The following ALDH1A1 variants were observed in gnomAD, a reference collection of about 807,000 sequenced individuals.
The protein encoded by ALDH1A1 is aldehyde dehydrogenase 1 family member A1.
A neutral mutation model predicts 62.1 loss-of-function variants in ALDH1A1; 19 were observed. That is an observed-to-expected ratio of 0.31 (90% CI 0.21 to 0.45). The LOEUF is 0.45. Among genes scored for constraint, ALDH1A1 ranks in the 20% least tolerant of loss-of-function variants. ALDH1A1 has a pLI of 1.00. For missense variants in ALDH1A1, 521 were observed against 607.1 expected (o/e 0.86, Z 1.49); for synonymous variants, 231 against 215.9 (o/e 1.07, Z -0.61).
intron 2 of ALDH1A1, among the ~76,000 whole-genome samples, chr9:72,936,110 G>A (rs1198089145): frequency 1.3e-5 from 2 of 152,158 alleles, no homozygotes; most frequent in East Asian, 3.9e-4. Flanking sequence ...TTTGAAGCTT[G>A]GGTAGATGTT....
chr9:72,925,440 G>A, intron 6 of ALDH1A1, 44 bp downstream of exon 6: 1 of 1,602,132 alleles, frequency 6.2e-7, no homozygotes, highest in African/African-American at 1.3e-5. Context: ...TTGTAATTTA[G>A]GATTCTTGAG....
chr9:72,941,598 C>T (rs1483326563), intron 1 of ALDH1A1, among the ~76,000 whole-genome samples: 1 of 152,082 alleles, frequency 6.6e-6, no homozygotes, highest in Non-Finnish European at 1.5e-5. Context: ...TCCAACAGCC[C>T]TCAAGCAATT....
At chr9:72,941,744 G>A (rs889576793) in intron 1 of ALDH1A1, among the ~76,000 whole-genome samples, 2 of 152,148 alleles carry the variant, frequency 1.3e-5, no homozygotes, top group African/African-American at 4.8e-5. Flanking sequence ...CTACAAAATG[G>A]GGAAGAGGAT....
At chr9:72,911,181 G>A (rs1339679166) in intron 10 of ALDH1A1, among the ~76,000 whole-genome samples, 3 of 151,896 alleles carry the variant, frequency 2.0e-5, no homozygotes, top group African/African-American at 2.4e-5. Flanking sequence ...ACACTTAACT[G>A]CAATATACAA....
chr9:72,904,432 C>T (rs1829849265), intron 12 of ALDH1A1, among the ~76,000 whole-genome samples: 1 of 152,094 alleles, frequency 6.6e-6, no homozygotes, highest in Non-Finnish European at 1.5e-5. Flanking sequence ...TCACTAGCCC[C>T]TCAACATACC....
intron 9 of ALDH1A1, among the ~76,000 whole-genome samples, chr9:72,916,005 G>T (rs4744674): frequency 1.3e-5 from 2 of 151,940 alleles, no homozygotes; most frequent in Non-Finnish European, 2.9e-5. Context: ...AGGATTTCTC[G>T]GCAGTTGTCC....
At chr9:72,944,537 G>A (rs1830453118) in intron 1 of ALDH1A1, among the ~76,000 whole-genome samples, 1 of 151,954 alleles carries the variant, frequency 6.6e-6, no homozygotes, top group Non-Finnish European at 1.5e-5. Flanking sequence ...AGCTAACTGT[G>A]TGACCAAACG....
rs772498716 is a variant in ALDH1A1, at chr9:72,949,660, T to TGC, written c.66+3274_66+3275insGC. On this transcript the variant is annotated intron_variant, in intron 1 of 12. Coordinates refer to ENST00000297785, the MANE Select transcript of ALDH1A1 (RefSeq NM_000689.5). ...TATAATTATTTATTGTGTGTGTGTG[T>TGC]GTGCGTGTGTGTGTGTGTGTGTGTA... Among the ~76,000 whole-genome samples the TGC allele has an allele frequency of 4.6e-3, 653 of 143,036 alleles. 1 individual carries two copies. The highest frequency in any genetic ancestry group is 5.8e-3 in the Non-Finnish European group (370 of 63,416). 93.8% of individuals were successfully genotyped at this position (143,036 alleles called of 152,430 possible).
Position 72,901,199 on chromosome 9 carries a change from G to A in ALDH1A1, c.*9C>T. ...TATTGAAGAGCTTCTCTCCACTCTT[G>A]TATTTTCTTTATGAGTTCTTCTGAG... On this transcript the variant is annotated 3_prime_UTR_variant, in exon 13 of 13. Transcript: ENST00000297785. The A allele has an allele frequency of 6.3e-7, 1 of 1,590,038 alleles. No homozygotes were observed. Among genetic ancestry groups the A allele is most frequent in the Non-Finnish European group, 8.6e-7 (1 of 1,159,922 alleles).
chr9:72,951,317 T>A (rs527334058), intron 1 of ALDH1A1, among the ~76,000 whole-genome samples: 2 of 151,886 alleles, frequency 1.3e-5, no homozygotes, highest in East Asian at 3.9e-4. Flanking sequence ...GACCATCTCA[T>A]TTGTCTAGTA....
At chr9:72,916,461 C>T (rs1461041735) in intron 9 of ALDH1A1, among the ~76,000 whole-genome samples, 1 of 152,122 alleles carries the variant, frequency 6.6e-6, no homozygotes, top group Non-Finnish European at 1.5e-5. Context: ...TTTAGGACCC[C>T]ATGCTACGAT....
chr9:72,913,807 TC>T (rs1361867542), intron 9 of ALDH1A1, among the ~76,000 whole-genome samples: 4 of 152,198 alleles, frequency 2.6e-5, no homozygotes, highest in African/African-American at 9.7e-5. Flanking sequence ...CAAATGTGCT[TC>T]TTTGACCCCA....
At chr9:72,947,569 G>A (rs1830490117) in intron 1 of ALDH1A1, among the ~76,000 whole-genome samples, 1 of 151,906 alleles carries the variant, frequency 6.6e-6, no homozygotes, top group South Asian at 2.1e-4. Context: ...GGGAAAGGGG[G>A]ATAATACCCT....
chr9:72,921,209 T>C (rs971285470), intron 7 of ALDH1A1, among the ~76,000 whole-genome samples: 4 of 140,682 alleles, frequency 2.8e-5, no homozygotes, highest in African/African-American at 1.1e-4. Context: ...GCCACTGCAC[T>C]CCAGCCTGGG....
chr9:72,921,172 C>G (rs961329289), intron 7 of ALDH1A1, among the ~76,000 whole-genome samples: 1 of 148,014 alleles, frequency 6.8e-6, no homozygotes, highest in Middle Eastern at 3.3e-3. Context: ...GCATGAACCA[C>G]GGAGGTGGAG....
chr9:72,910,053 A>G (rs1304329875), intron 10 of ALDH1A1, among the ~76,000 whole-genome samples: 1 of 152,200 alleles, frequency 6.6e-6, no homozygotes, highest in African/African-American at 2.4e-5. Context: ...GCAACAAATC[A>G]TTAACTTCAG....
At chr9:72,950,725 A>T (rs1445426085) in intron 1 of ALDH1A1, among the ~76,000 whole-genome samples, 2 of 151,842 alleles carry the variant, frequency 1.3e-5, no homozygotes, top group Non-Finnish European at 2.9e-5. Flanking sequence ...ATAATAATAA[A>T]AAAGGACATT....
chr9:72,931,063 G>A, intron 2 of ALDH1A1, 44 bp from the exon 3 acceptor site: 1 of 1,611,148 alleles, frequency 6.2e-7, no homozygotes. Context: ...AAACATATTA[G>A]GCAAGCAAAT....
chr9:72,950,377 A>T (rs144089148), intron 1 of ALDH1A1, among the ~76,000 whole-genome samples: 5 of 151,992 alleles, frequency 3.3e-5, no homozygotes, highest in Admixed American at 6.6e-5. Context: ...AGAGTTGGAA[A>T]GAGGAGTAAT....
Sources: gnomAD v4.1 joint callset for allele counts (sites outside exome capture counted in the v4.1 genomes callset) on GRCh38, gnomAD v4.1.1 for gene constraint, MANE v1.5 for transcripts, NCBI Gene and HGNC (gene_info 2026-07-23, HGNC 2026-07-21) for gene names.